Variants in CHL1 observed in about 807,000 individuals in gnomAD.
CHL1 encodes neural cell adhesion molecule L1-like protein.
Under a neutral mutation model 141.9 loss-of-function variants are expected in CHL1, and 96 were observed. The ratio of observed to expected loss-of-function variants is 0.68; its 90% confidence interval spans 0.57 to 0.80. The LOEUF (loss-of-function observed/expected upper bound fraction) is 0.80. CHL1 is among the 30% of genes least tolerant of loss of function. CHL1 has a pLI of 0.00. For missense variants in CHL1, 1,820 were observed against 1,457.2 expected, an observed-to-expected ratio of 1.25 and a Z score of -4.05; for synonymous variants, 613 against 502.2, an observed-to-expected ratio of 1.22 and a Z score of -2.95.
chr3:387,844 T>A (rs1707883319), intron 19 of CHL1, among the ~76,000 whole-genome samples: 1 of 150,972 alleles, frequency 6.6e-6, no homozygotes, highest in Non-Finnish European at 1.5e-5. Context: ...TTGTTTTGAT[T>A]TTTTTTTTCC....
chr3:372,780 G>A (rs1705802707), intron 15 of CHL1, among the ~76,000 whole-genome samples: 1 of 151,120 alleles, frequency 6.6e-6, no homozygotes, highest in African/African-American at 2.4e-5. Context: ...GGTTTTTTGT[G>A]GGAGATTTTG....
In CHL1 at chr3:370,510, G is replaced by A. The variant is rs374645622; in HGVS notation, c.1751+4395G>A. ...CTTTTCTTCTTTATCAGTCTAGCTAGTCATCTATCTATTTTGTTAATTTTT... is the reference window on the plus strand; with the variant it reads ...CTTTTCTTCTTTATCAGTCTAGCTAATCATCTATCTATTTTGTTAATTTTT... On this transcript the variant is annotated intron_variant, in intron 15 of 27. Coordinates refer to ENST00000256509, the MANE Select transcript of CHL1 (RefSeq NM_006614.4). Among the ~76,000 whole-genome samples, 292 of 146,008 alleles carry A rather than the reference G, an allele frequency of 2.0e-3. 3 individuals carry two copies. Among genetic ancestry groups the A allele is most frequent in the Middle Eastern group, 0.011 (3 of 284 alleles).
intron 1 of CHL1, among the ~76,000 whole-genome samples, chr3:242,458 T>C (rs536632239): frequency 2.1e-4 from 30 of 145,340 alleles, no homozygotes; most frequent in Non-Finnish European, 3.8e-4. Context: ...TATCCCGGCG[T>C]GGTGGTGGGC....
At chr3:232,297 T>C (rs1452774405) in intron 1 of CHL1, among the ~76,000 whole-genome samples, 1 of 152,184 alleles carries the variant, frequency 6.6e-6, no homozygotes, top group African/African-American at 2.4e-5. Flanking sequence ...CTGGAGCTCT[T>C]TGTACTAAGT....
intron 7 of CHL1, among the ~76,000 whole-genome samples, chr3:342,529 G>A (rs1040350202): frequency 6.6e-6 from 1 of 152,118 alleles, no homozygotes; most frequent in Non-Finnish European, 1.5e-5. Context: ...ATTCTGTGGA[G>A]GCCAGCCTGG....
chr3:235,243 A>G (rs571692364), intron 1 of CHL1, among the ~76,000 whole-genome samples: 3 of 152,124 alleles, frequency 2.0e-5, no homozygotes, highest in Admixed American at 6.6e-5. Context: ...TGATGCTGCG[A>G]TAACACCTAT....
At chr3:241,848 AC>A (rs1237736092) in intron 1 of CHL1, among the ~76,000 whole-genome samples, 2 of 147,072 alleles carry the variant, frequency 1.4e-5, no homozygotes, top group Non-Finnish European at 3.0e-5. Flanking sequence ...TGAAAAAAAA[AC>A]AACTTTTCAC....
At chr3:304,003 T>G (rs1261523801) in intron 2 of CHL1, among the ~76,000 whole-genome samples, 1 of 152,158 alleles carries the variant, frequency 6.6e-6, no homozygotes, top group Non-Finnish European at 1.5e-5. Flanking sequence ...TTGTCATTGG[T>G]TCTGTTTGTG....
At chr3:278,249 T>C (rs1696330684) in intron 2 of CHL1, among the ~76,000 whole-genome samples, 1 of 152,234 alleles carries the variant, frequency 6.6e-6, no homozygotes, top group Non-Finnish European at 1.5e-5. Flanking sequence ...CCTTTTATGA[T>C]TTTAACCTTT....
chr3:361,473 C>G (rs1412827315), intron 12 of CHL1, among the ~76,000 whole-genome samples: 1 of 151,700 alleles, frequency 6.6e-6, no homozygotes, highest in Admixed American at 6.6e-5. Flanking sequence ...ACCTACTCAT[C>G]TGACAAAGGG....
intron 2 of CHL1, among the ~76,000 whole-genome samples, chr3:297,656 G>A (rs1340139738): frequency 1.3e-5 from 2 of 152,190 alleles, no homozygotes; most frequent in Non-Finnish European, 2.9e-5. Context: ...TATTACGGAA[G>A]TACTTGTCCT....
intron 19 of CHL1, among the ~76,000 whole-genome samples, 195 bp from the exon 20 acceptor site, chr3:389,057 T>C (rs1708013297): frequency 6.6e-6 from 1 of 152,230 alleles, no homozygotes; most frequent in South Asian, 2.1e-4. Flanking sequence ...AGTTAAGGGA[T>C]TAATTTTCAT....
intron 5 of CHL1, among the ~76,000 whole-genome samples, chr3:335,676 A>G (rs79143368): frequency 0.011 from 1,626 of 152,334 alleles, 24 homozygotes; most frequent in African/African-American, 0.038. Flanking sequence ...TGATGGAAAA[A>G]GGGAAAATAA....
At chr3:401,180 G>T (rs1283099113) in intron 26 of CHL1, among the ~76,000 whole-genome samples, 3 of 152,100 alleles carry the variant, frequency 2.0e-5, no homozygotes, top group Non-Finnish European at 4.4e-5. Flanking sequence ...GGGATTACAG[G>T]CATGAGCCAC....
chr3:296,750 T>C (rs1698222232), intron 2 of CHL1, among the ~76,000 whole-genome samples: 1 of 152,204 alleles, frequency 6.6e-6, no homozygotes, highest in Non-Finnish European at 1.5e-5. Context: ...TATCCAGTTT[T>C]ATATATTTAT....
At chr3:318,749 G>A (rs1700324805) in intron 2 of CHL1, among the ~76,000 whole-genome samples, 2 of 151,012 alleles carry the variant, frequency 1.3e-5, no homozygotes, top group African/African-American at 4.9e-5. Flanking sequence ...CTATCTTGCT[G>A]GAACTATCCA....
At chr3:264,472 G>A (rs1369376777) in intron 2 of CHL1, among the ~76,000 whole-genome samples, 4 of 152,116 alleles carry the variant, frequency 2.6e-5, no homozygotes, top group Non-Finnish European at 5.9e-5. Context: ...CTGGGAATTC[G>A]CCTCTTTAAG....
chr3:244,284 G>C (rs1310392740), intron 1 of CHL1, among the ~76,000 whole-genome samples: 1 of 152,194 alleles, frequency 6.6e-6, no homozygotes, highest in African/African-American at 2.4e-5. Flanking sequence ...CCGCTATGTA[G>C]AAATGCTTAC....
chr3:303,288 T>G lies in CHL1; in HGVS notation c.-94-16395T>G, dbSNP rs566468346. On this transcript the variant is annotated intron_variant, in intron 2 of 27. Transcript: ENST00000256509. ...TTTCCAATTCTGTGAAGAAAGTCAC[T>G]GGTAGCTTGATGGGGATAGCATTGA... is the stretch of plus-strand genomic sequence containing the variant. Among the ~76,000 whole-genome samples, 180 of 147,124 alleles carry G rather than the reference T, an allele frequency of 1.2e-3. 1 individual carries two copies. The highest frequency in any genetic ancestry group is 4.2e-3 in the African/African-American group (171 of 40,376).
Sources: allele counts gnomAD v4.1 joint callset (sites outside exome capture counted in the v4.1 genomes callset), GRCh38; gene constraint gnomAD v4.1.1; transcripts MANE v1.5; gene names NCBI Gene and HGNC (gene_info 2026-07-23, HGNC 2026-07-21).